The following CERS6 variants were observed in gnomAD, a reference collection of about 807,000 sequenced individuals.
The protein encoded by CERS6 is LAG1 homolog, ceramide synthase 6.
CERS6 carries 26 observed loss-of-function variants against 56.8 expected under a neutral mutation model. That is an observed-to-expected ratio of 0.46 (90% CI 0.34 to 0.63). The LOEUF (loss-of-function observed/expected upper bound fraction) is 0.63, where lower values mean the gene tolerates loss of function less well. Ranked by LOEUF, CERS6 falls within the 30% of genes least tolerant of loss-of-function variation. The probability of loss-of-function intolerance (pLI) is 0.01; values close to 1 mark genes in which losing one functional copy is unlikely to be tolerated. For missense variants in CERS6, 415 were observed against 467.5 expected, an observed-to-expected ratio of 0.89 and a Z score of 1.04; for synonymous variants, 164 against 173.3, an observed-to-expected ratio of 0.95 and a Z score of 0.42.
chr2:168,690,056 A>G lies in CERS6; in HGVS notation c.466-978A>G, dbSNP rs146508941. Among the ~76,000 whole-genome samples the G allele has an allele frequency of 5.0e-3, 765 of 152,266 alleles. 9 individuals are homozygous for G. The highest frequency in any genetic ancestry group is 0.017 in the African/African-American group (692 of 41,556). On this transcript the variant is annotated intron_variant, in intron 4 of 9. Transcript: ENST00000305747. Reference sequence around the variant, plus strand: ...AATACTAGTAGCTACTATAAGGATTAAATGAGTTAATATGTGTAGGAGGCT... The same window carrying G: ...AATACTAGTAGCTACTATAAGGATTGAATGAGTTAATATGTGTAGGAGGCT...
intron 3 of CERS6, among the ~76,000 whole-genome samples, chr2:168,575,583 C>G (rs909457574): frequency 3.3e-5 from 5 of 152,054 alleles, no homozygotes; most frequent in Admixed American, 6.6e-5. Context: ...GGACACAGAG[C>G]CAAACCATAT....
At chr2:168,730,577 T>C (rs1321931302) in intron 8 of CERS6, among the ~76,000 whole-genome samples, 1 of 152,198 alleles carries the variant, frequency 6.6e-6, no homozygotes, top group Non-Finnish European at 1.5e-5. Context: ...AGGGACCTGG[T>C]GAGTCATCCC....
At chr2:168,680,977 A>G (rs1419554006) in intron 4 of CERS6, among the ~76,000 whole-genome samples, 2 of 152,240 alleles carry the variant, frequency 1.3e-5, no homozygotes, top group African/African-American at 4.8e-5. Context: ...TTGGTTACCC[A>G]GGAGATGCTA....
intron 1 of CERS6, among the ~76,000 whole-genome samples, chr2:168,489,171 T>C (rs2105337674): frequency 6.6e-6 from 1 of 152,282 alleles, no homozygotes; most frequent in East Asian, 1.9e-4. Flanking sequence ...TTGATGGATA[T>C]GGAATTTTAG....
chr2:168,527,745 G>T lies in CERS6; in HGVS notation c.171-19851G>T, dbSNP rs190080149. Among the ~76,000 whole-genome samples the T allele has an allele frequency of 1.2e-3, 179 of 152,190 alleles. 3 individuals carry two copies. Among genetic ancestry groups the T allele is most frequent in the Admixed American group, 1.4e-3 (22 of 15,286 alleles). ...CCCGCCATCCATTTTTTTGGATTTA[G>T]AGTTTGGCGCTATTGCCCAGGCTAG... On this transcript the variant is annotated intron_variant, in intron 1 of 9. Transcript: ENST00000305747.
chr2:168,761,740 A>C (rs1684585774), intron 8 of CERS6, among the ~76,000 whole-genome samples: 1 of 152,132 alleles, frequency 6.6e-6, no homozygotes, highest in South Asian at 2.1e-4. Context: ...GAGTCCTCCC[A>C]CACCACCACA....
In CERS6 at chr2:168,456,569, G is replaced by T. The variant is rs750893093; in HGVS notation, c.121G>T (p.Ala41Ser). Residue 41 changes from alanine to serine, a missense_variant, in exon 1 of 10, where the codon GCT becomes TCT. Transcript: ENST00000305747. This position sits in a 1 kb window ranked among gnomAD's most constrained non-coding sequence, Gnocchi z 4.1. ...CCCGCAGGCTGAGGACCTCTATCTC[G>T]CTTTTCCCCTGGCCTTCTGTATCTT... is the stretch of plus-strand genomic sequence containing the variant. ...TFPQAEDLYL[A>S]FPLAFCIFMV... 6.8e-6 allele frequency: 11 copies of T among 1,614,052 alleles called. No homozygotes were observed. In the Admixed American group the frequency reaches 8.3e-5, roughly 12 times the overall value.
chr2:168,618,153 A>T (rs755816843), intron 3 of CERS6, among the ~76,000 whole-genome samples: 3 of 152,162 alleles, frequency 2.0e-5, no homozygotes, highest in Non-Finnish European at 4.4e-5. Flanking sequence ...TCAATAGACC[A>T]AGAAAAAGCA....
At chr2:168,521,654 A>T (rs537579853) in intron 1 of CERS6, among the ~76,000 whole-genome samples, 16 of 152,306 alleles carry the variant, frequency 1.1e-4, no homozygotes, top group Middle Eastern at 3.4e-3. Flanking sequence ...GTCAGAGGTG[A>T]AAGATGAGAA....
chr2:168,684,914 G>GTT (rs146342534), intron 4 of CERS6, among the ~76,000 whole-genome samples: 1 of 151,938 alleles, frequency 6.6e-6, no homozygotes, highest in Non-Finnish European at 1.5e-5. Context: ...TTTTTCTTAT[G>GTT]TTTTTTTTCT....
chr2:168,672,217 T>C (rs1685936246), intron 4 of CERS6, among the ~76,000 whole-genome samples: 1 of 152,218 alleles, frequency 6.6e-6, no homozygotes, highest in Non-Finnish European at 1.5e-5. Flanking sequence ...GGCTGATGGC[T>C]CCAGCTCGTT....
intron 1 of CERS6, among the ~76,000 whole-genome samples, chr2:168,485,343 A>G (rs1694257051): frequency 1.5e-5 from 2 of 129,540 alleles, no homozygotes; most frequent in South Asian, 4.4e-4. Context: ...AAATGGATAC[A>G]TTATTATTAA....
intron 5 of CERS6, among the ~76,000 whole-genome samples, chr2:168,692,285 G>T (rs1686525599): frequency 6.6e-6 from 1 of 152,154 alleles, no homozygotes; most frequent in Non-Finnish European, 1.5e-5. Context: ...TGTCACATAA[G>T]GCTCCTTGTG....
At position 168,614,327 on chromosome 2, in the gene CERS6, C is replaced by T. The variant is rs187076153; in HGVS notation, c.408-16658C>T. Among the ~76,000 whole-genome samples, 2 of 152,272 alleles carry T rather than the reference C, an allele frequency of 1.3e-5. 1 individual carries two copies. Among genetic ancestry groups the T allele is most frequent in the East Asian group, 3.9e-4 (2 of 5,186 alleles). Reference sequence around the variant, plus strand: ...TATACACATGTATAAACATCTGTGTCTACACATACTTGTATTTTCTTTACA... The same window carrying T: ...TATACACATGTATAAACATCTGTGTTTACACATACTTGTATTTTCTTTACA... On this transcript the variant is annotated intron_variant, in intron 3 of 9. Coordinates refer to ENST00000305747, the MANE Select transcript of CERS6 (RefSeq NM_203463.3).
intron 1 of CERS6, among the ~76,000 whole-genome samples, chr2:168,457,277 G>T (rs1213320296): frequency 6.6e-6 from 1 of 152,148 alleles, no homozygotes; most frequent in Non-Finnish European, 1.5e-5. Flanking sequence ...TGACAGGACG[G>T]GTCCACATCC....
At chr2:168,657,478 G>C (rs972721532) in intron 4 of CERS6, among the ~76,000 whole-genome samples, 1 of 152,366 alleles carries the variant, frequency 6.6e-6, no homozygotes, top group East Asian at 1.9e-4. Flanking sequence ...ACTGGGCGCC[G>C]TGGAGCAGGG....
chr2:168,644,069 C>A (rs1685111692), intron 4 of CERS6: 2 of 984,194 alleles, frequency 2.0e-6, no homozygotes, highest in Non-Finnish European at 2.4e-6. Context: ...GTGGAAAGGT[C>A]ACATATTCTT....
At chr2:168,598,094 A>C (rs1418387960) in intron 3 of CERS6, among the ~76,000 whole-genome samples, 1 of 152,230 alleles carries the variant, frequency 6.6e-6, no homozygotes. Flanking sequence ...TCTAATACAA[A>C]CAATTATGAA....
intron 3 of CERS6, among the ~76,000 whole-genome samples, chr2:168,584,944 A>T (rs894634294): frequency 6.6e-6 from 1 of 152,240 alleles, no homozygotes; most frequent in Non-Finnish European, 1.5e-5. Context: ...GGCTGCACTC[A>T]TTGTCAATTT....
Sources: gnomAD v4.1 joint callset for allele counts (sites outside exome capture counted in the v4.1 genomes callset) on GRCh38, gnomAD v4.1.1 for gene constraint, Gnocchi (gnomAD v3.1) non-coding constraint, MANE v1.5 for transcripts, NCBI Gene and HGNC (gene_info 2026-07-23, HGNC 2026-07-21) for gene names.